ARHGAP15: variants seen among roughly 807,000 people sequenced by gnomAD.
ARHGAP15 encodes Rho GTPase activating protein 15, also known as rho GTPase-activating protein 15.
In ARHGAP15, 51 loss-of-function variants were observed where a neutral mutation model predicts 63.7. That is an observed-to-expected ratio of 0.80 (90% CI 0.64 to 1.01). The LOEUF (loss-of-function observed/expected upper bound fraction) is 1.01, where lower values mean the gene tolerates loss of function less well. Ranked by LOEUF, ARHGAP15 falls within the 50% of genes least tolerant of loss-of-function variation. The pLI, the probability that ARHGAP15 is intolerant of heterozygous loss-of-function variation, is 0.00. For missense variants in ARHGAP15, 560 were observed against 564.6 expected (o/e 0.99, Z 0.08); for synonymous variants, 191 against 193.8 (o/e 0.99, Z 0.12).
chr2:143,419,159 A>AT (rs1688805084), intron 6 of ARHGAP15, among the ~76,000 whole-genome samples: 1 of 151,454 alleles, frequency 6.6e-6, no homozygotes, highest in Admixed American at 6.6e-5. Flanking sequence ...AGAAAAAAAA[A>AT]CCACAAATGC....
intron 1 of ARHGAP15, among the ~76,000 whole-genome samples, chr2:143,132,638 A>C (rs1262031831): frequency 1.3e-5 from 2 of 152,234 alleles, no homozygotes; most frequent in Non-Finnish European, 2.9e-5. Flanking sequence ...CCACTCCTGC[A>C]CTGGGGGCAG....
Position 143,703,740 on chromosome 2 carries a change from C to T in ARHGAP15, c.1244+216C>T, listed in dbSNP as rs1303603620. ...TTCTGAAATAACTTATTTTTCAAGG[C>T]CCTTTCAACTAGTATATGTTTGCTG... is the stretch of plus-strand genomic sequence containing the variant. On this transcript the variant is annotated intron_variant, in intron 13 of 13. Coordinates refer to ENST00000295095, the MANE Select transcript of ARHGAP15 (RefSeq NM_018460.4). 1.8e-5 allele frequency: 8 copies of T among 446,118 alleles called. No homozygotes were observed. The East Asian group carries it at 2.0e-4, about 11-fold the overall frequency. 27.6% of individuals were successfully genotyped at this position (446,118 alleles called of 1,614,324 possible).
At chr2:143,651,257 C>T (rs1032445358) in intron 12 of ARHGAP15, among the ~76,000 whole-genome samples, 1 of 151,942 alleles carries the variant, frequency 6.6e-6, no homozygotes, top group South Asian at 2.1e-4. Context: ...ACAACTTTCA[C>T]CCCTAAATGT....
At chr2:143,472,014 T>C (rs1475264140) in intron 8 of ARHGAP15, 1 of 152,236 alleles carries the variant, frequency 6.6e-6, no homozygotes, top group Non-Finnish European at 1.5e-5. Context: ...AGAGCTGACA[T>C]TCCATCTGCA....
chr2:143,576,312 T>C (rs1696679304), intron 11 of ARHGAP15, among the ~76,000 whole-genome samples: 2 of 152,104 alleles, frequency 1.3e-5, no homozygotes, highest in Non-Finnish European at 2.9e-5. Context: ...ATTTCACCTC[T>C]TATACTAAAT....
intron 8 of ARHGAP15, among the ~76,000 whole-genome samples, chr2:143,443,348 C>T (rs954751272): frequency 1.3e-5 from 2 of 151,612 alleles, no homozygotes; most frequent in Non-Finnish European, 2.9e-5. Flanking sequence ...ACAAAAAAGT[C>T]GTGACATTTT....
intron 13 of ARHGAP15, among the ~76,000 whole-genome samples, chr2:143,758,041 G>A (rs1219091682): frequency 6.6e-6 from 1 of 151,904 alleles, no homozygotes. Flanking sequence ...TAATAGCAAA[G>A]AATTAGAAGA....
At chr2:143,426,944 AG>A (rs1262071266) in intron 6 of ARHGAP15, among the ~76,000 whole-genome samples, 1 of 152,160 alleles carries the variant, frequency 6.6e-6, no homozygotes, top group African/African-American at 2.4e-5. Flanking sequence ...TGAAACCTGG[AG>A]TTGAATTGTC....
chr2:143,345,076 T>C (rs1453373330), intron 6 of ARHGAP15, among the ~76,000 whole-genome samples: 2 of 152,140 alleles, frequency 1.3e-5, no homozygotes, highest in African/African-American at 4.8e-5. Flanking sequence ...GTTGATCATT[T>C]ACCACATTTT....
chr2:143,271,226 T>G (rs1393306890), intron 6 of ARHGAP15, among the ~76,000 whole-genome samples: 1 of 152,238 alleles, frequency 6.6e-6, no homozygotes, highest in African/African-American at 2.4e-5. Context: ...CAGCCATATG[T>G]GCATTCCATT....
At chr2:143,648,312 A>G (rs568315194) in intron 12 of ARHGAP15, among the ~76,000 whole-genome samples, 12 of 152,086 alleles carry the variant, frequency 7.9e-5, no homozygotes, top group Non-Finnish European at 1.8e-4. Flanking sequence ...AAACATACAA[A>G]TGTTAAAATT....
At chr2:143,423,073 G>GA (rs1688996153) in intron 6 of ARHGAP15, among the ~76,000 whole-genome samples, 1 of 152,038 alleles carries the variant, frequency 6.6e-6, no homozygotes, top group Non-Finnish European at 1.5e-5. Context: ...TGTAAAAGAG[G>GA]AAAAGATCAG....
At chr2:143,524,878 T>C (rs907723808) in intron 10 of ARHGAP15, among the ~76,000 whole-genome samples, 15 of 152,198 alleles carry the variant, frequency 9.9e-5, no homozygotes, top group Admixed American at 7.9e-4. Context: ...ATAACAGACA[T>C]GTTAATACAG....
chr2:143,591,787 T>C (rs1454473338), intron 11 of ARHGAP15, among the ~76,000 whole-genome samples: 1 of 151,894 alleles, frequency 6.6e-6, no homozygotes. Context: ...GCCTGGCTAA[T>C]TTTTGTATTT....
intron 13 of ARHGAP15, among the ~76,000 whole-genome samples, chr2:143,732,919 T>G (rs989495409): frequency 1.5e-4 from 23 of 149,702 alleles, no homozygotes; most frequent in African/African-American, 5.1e-4. Context: ...GGTTTTTTTT[T>G]TTTTTTTTTT....
chr2:143,614,678 A>T (rs11900928), intron 11 of ARHGAP15, among the ~76,000 whole-genome samples: 33,243 of 152,172 alleles, frequency 0.22, 3,985 homozygotes, highest in Admixed American at 0.32. Flanking sequence ...GATATAAAGA[A>T]AAATAAAAAC....
At chr2:143,519,179 A>G in intron 9 of ARHGAP15, 87 bp from the exon 10 acceptor site, 3 of 973,836 alleles carry the variant, frequency 3.1e-6, no homozygotes. Flanking sequence ...TGAAGATTTC[A>G]GCATGCAATG....
intron 6 of ARHGAP15, among the ~76,000 whole-genome samples, chr2:143,400,272 G>A (rs969694807): frequency 1.3e-4 from 20 of 152,024 alleles, no homozygotes; most frequent in African/African-American, 4.3e-4. Context: ...AAAATAAGGA[G>A]AAAATACAAT....
At chr2:143,561,449 G>C (rs965134968) in intron 11 of ARHGAP15, among the ~76,000 whole-genome samples, 4 of 151,864 alleles carry the variant, frequency 2.6e-5, no homozygotes, top group Admixed American at 6.6e-5. Flanking sequence ...TATTCTCTCT[G>C]TTTTCCTGAA....
Sources: allele counts gnomAD v4.1 joint callset (sites outside exome capture counted in the v4.1 genomes callset), GRCh38; gene constraint gnomAD v4.1.1; transcripts MANE v1.5; gene names NCBI Gene and HGNC (gene_info 2026-07-23, HGNC 2026-07-21).